Variants in SOX6 observed in about 807,000 individuals in gnomAD.
The protein encoded by SOX6 is transcription factor SOX-6.
In SOX6, 11 loss-of-function variants were observed where a neutral mutation model predicts 97.8. The ratio of observed to expected loss-of-function variants is 0.11; its 90% CI spans 0.07 to 0.19. SOX6 has a LOEUF of 0.19. Ranked by LOEUF, SOX6 falls within the 10% of genes least tolerant of loss-of-function variation. SOX6 has a pLI of 1.00. For missense variants in SOX6, 810 were observed against 1,039.5 expected (o/e 0.78, Z 3.04); for synonymous variants, 360 against 371.4 (o/e 0.97, Z 0.35).
intron 3 of SOX6, among the ~76,000 whole-genome samples, chr11:16,682,635 T>C (rs1425399578): frequency 6.6e-6 from 1 of 152,218 alleles, no homozygotes; most frequent in South Asian, 2.1e-4. Flanking sequence ...AACATCATAC[T>C]GAATGGGCAA....
chr11:16,014,967 G>A lies in SOX6; in HGVS notation c.1707C>T (p.Asp569=). 4 of 1,612,904 alleles carry A rather than the reference G, an allele frequency of 2.5e-6. No individual in the cohort carries two copies. Among genetic ancestry groups the A allele is most frequent in the Non-Finnish European group, 3.4e-6 (4 of 1,179,292 alleles). The change falls in exon 13 of 16, where the codon GAC becomes GAT. Residue 569 remains aspartate (D), a synonymous_variant. Transcript: ENST00000683767. ...EDGKLGPGVI[D]LTRPEDAEGS... Reference sequence around the variant, plus strand: ...CCTCTGCATCTTCTGGCCGAGTAAGGTCGATGACACCTGGGCCCAGTTTTC... The same window carrying A: ...CCTCTGCATCTTCTGGCCGAGTAAGATCGATGACACCTGGGCCCAGTTTTC...
chr11:16,204,049 T>C (rs1182603026), intron 4 of SOX6, among the ~76,000 whole-genome samples: 4 of 151,816 alleles, frequency 2.6e-5, no homozygotes, highest in African/African-American at 9.7e-5. Context: ...ATTTAGTCAA[T>C]CCACAATGTA....
intron 7 of SOX6, among the ~76,000 whole-genome samples, chr11:16,108,215 A>G (rs1849143843): frequency 1.3e-5 from 2 of 152,110 alleles, no homozygotes; most frequent in African/African-American, 4.8e-5. Context: ...TTATTATCAT[A>G]TATTATCATA....
chr11:16,070,453 A>T lies in SOX6; in HGVS notation c.1102-14552T>A, dbSNP rs961966946. On this transcript the variant is annotated intron_variant, in intron 9 of 15. Coordinates refer to ENST00000683767, the MANE Select transcript of SOX6 (RefSeq NM_001367873.1). ...AAAGTAAGCTGGAATTCATTCTTGA[A>T]TTGCACCAATTATTTTGGAATGCAT... Among the ~76,000 whole-genome samples the T allele has an allele frequency of 2.0e-5, 3 of 152,182 alleles. No homozygotes were observed. In the South Asian group the frequency reaches 6.2e-4, roughly 31 times the overall value.
chr11:16,055,480 T>G (rs1847790902), intron 10 of SOX6, among the ~76,000 whole-genome samples: 1 of 152,048 alleles, frequency 6.6e-6, no homozygotes, highest in Admixed American at 6.6e-5. Flanking sequence ...ATGCCAATGA[T>G]CATTAAAAAA....
chr11:16,177,130 C>T (rs145733012), intron 6 of SOX6, among the ~76,000 whole-genome samples: 108 of 151,974 alleles, frequency 7.1e-4, no homozygotes, highest in African/African-American at 2.5e-3. Flanking sequence ...ATAGAAAGGA[C>T]ATTTTAATTC....
At chr11:16,269,195 T>A (rs951076470) in intron 3 of SOX6, among the ~76,000 whole-genome samples, 3 of 150,940 alleles carry the variant, frequency 2.0e-5, no homozygotes, top group African/African-American at 7.3e-5. Flanking sequence ...CCCTAGTGAT[T>A]TGAAATGCTA....
chr11:16,187,059 G>A, intron 4 of SOX6, 104 bp from the exon 5 acceptor site: 2 of 1,280,552 alleles, frequency 1.6e-6, no homozygotes, highest in Non-Finnish European at 2.3e-6. Flanking sequence ...GACATTTAAA[G>A]ATCTGGGACA....
upstream of SOX6, among the ~76,000 whole-genome samples, chr11:16,359,598 G>A (rs966277262): frequency 1.3e-5 from 2 of 152,046 alleles, no homozygotes; most frequent in Admixed American, 6.6e-5. Flanking sequence ...TGTTCTGCTC[G>A]ACATGTGATA....
intron 2 of SOX6, among the ~76,000 whole-genome samples, chr11:16,720,735 A>G (rs1848254706): frequency 6.6e-6 from 1 of 152,170 alleles, no homozygotes; most frequent in Non-Finnish European, 1.5e-5. Flanking sequence ...AGAAAAAAAA[A>G]GAAATACTGA....
chr11:16,444,131 A>G (rs963117097), intron 1 of SOX6, among the ~76,000 whole-genome samples: 2 of 151,450 alleles, frequency 1.3e-5, no homozygotes, highest in African/African-American at 4.9e-5. Flanking sequence ...AAAAACTGTT[A>G]TAAAAAAAAA....
At chr11:16,626,996 C>T (rs1848632119) in intron 3 of SOX6, among the ~76,000 whole-genome samples, 1 of 152,024 alleles carries the variant, frequency 6.6e-6, no homozygotes, top group Admixed American at 6.6e-5. Context: ...ATTAGTAGTC[C>T]CAGTTTCTAT....
chr11:16,027,818 C>G (rs1855254202), intron 12 of SOX6, among the ~76,000 whole-genome samples: 1 of 152,190 alleles, frequency 6.6e-6, no homozygotes, highest in Admixed American at 6.5e-5. Flanking sequence ...TAGAAGAGAA[C>G]TGAAAATGGC....
chr11:16,072,338 A>G (rs1318466903), intron 9 of SOX6, among the ~76,000 whole-genome samples: 5 of 152,206 alleles, frequency 3.3e-5, no homozygotes, highest in Admixed American at 3.3e-4. Context: ...AGTTGAGGAA[A>G]GAAACTCAGA....
At chr11:16,496,730 C>T (rs1860604572) in intron 4 of SOX6, among the ~76,000 whole-genome samples, 1 of 152,172 alleles carries the variant, frequency 6.6e-6, no homozygotes, top group Non-Finnish European at 1.5e-5. Context: ...GCTAGCACAG[C>T]AGTCTGAGAT....
chr11:16,230,257 T>C (rs1319174042), intron 4 of SOX6, among the ~76,000 whole-genome samples: 1 of 150,306 alleles, frequency 6.7e-6, no homozygotes, highest in African/African-American at 2.4e-5. Flanking sequence ...CACTGAAATA[T>C]CTGTATTACT....
rs565704982 is a variant in SOX6 at position 16,710,333 on chromosome 11, C to T, written n.429+4497G>A. On this transcript the variant is annotated intron_variant and non_coding_transcript_variant, in intron 3 of 5. Transcript: ENST00000524520. ...TTCATTAATCCTTAGAATAACCCCA[C>T]GTGAGAAGTACCTTTTGAGAAGGTG... is the stretch of plus-strand genomic sequence containing the variant. 5.9e-5 allele frequency among the ~76,000 whole-genome samples: 9 copies of T among 152,244 alleles called. No individual in the cohort carries two copies. The East Asian group carries it at 9.6e-4, about 16-fold the overall frequency.
intron 2 of SOX6, among the ~76,000 whole-genome samples, chr11:16,323,085 C>A (rs61883196): frequency 3.3e-5 from 5 of 152,124 alleles, no homozygotes; most frequent in African/African-American, 9.6e-5. Flanking sequence ...CCCCACCAAA[C>A]CTAACAGTGA....
intron 6 of SOX6, among the ~76,000 whole-genome samples, chr11:16,145,275 A>C (rs937762804): frequency 6.6e-6 from 1 of 152,232 alleles, no homozygotes; most frequent in African/African-American, 2.4e-5. Flanking sequence ...ATAGATGCAG[A>C]AAAGGCCTTT....
Sources: allele counts gnomAD v4.1 joint callset (sites outside exome capture counted in the v4.1 genomes callset), GRCh38; gene constraint gnomAD v4.1.1; transcripts MANE v1.5; gene names NCBI Gene and HGNC (gene_info 2026-07-23, HGNC 2026-07-21).